The following KLRG2 variants were observed in gnomAD, a reference collection of about 807,000 sequenced individuals.
KLRG2 encodes the protein killer cell lectin like receptor G2.
A neutral mutation model predicts 35.4 loss-of-function variants in KLRG2; 39 were observed. The ratio of observed to expected loss-of-function variants is 1.10; its 90% CI spans 0.85 to 1.44. The LOEUF is 1.44. Among genes scored for constraint, KLRG2 ranks in the 40% most tolerant of loss-of-function variants. KLRG2 has a pLI of 0.00. For missense variants in KLRG2, 632 were observed against 570.9 expected (o/e 1.11, Z -1.09); for synonymous variants, 283 against 265.8 (o/e 1.06, Z -0.63).
intron 3 of KLRG2, among the ~76,000 whole-genome samples, chr7:139,459,436 A>T (rs549839979): frequency 2.0e-5 from 3 of 152,236 alleles, no homozygotes; most frequent in East Asian, 3.9e-4. Context: ...AACTCTAGGC[A>T]CTCTAGAGAC....
chr7:139,462,763 T>C (rs930919698), intron 3 of KLRG2, among the ~76,000 whole-genome samples: 3 of 152,136 alleles, frequency 2.0e-5, no homozygotes, highest in African/African-American at 7.2e-5. Flanking sequence ...GGCATTCTTT[T>C]ACACATCAGT....
intron 3 of KLRG2, among the ~76,000 whole-genome samples, chr7:139,455,023 A>T (rs970453219): frequency 6.9e-6 from 1 of 145,374 alleles, no homozygotes; most frequent in African/African-American, 2.5e-5. Flanking sequence ...TATATTTAAG[A>T]TTTTTTTTTT....
intron 3 of KLRG2, among the ~76,000 whole-genome samples, chr7:139,460,189 G>T (rs1413108738): frequency 1.3e-5 from 2 of 151,282 alleles, no homozygotes; most frequent in Non-Finnish European, 2.9e-5. Context: ...CCCTCCAGCA[G>T]ATTTTTACAT....
chr7:139,446,813 C>T, the KLRG2 span, among the ~76,000 whole-genome samples: 1 of 152,012 alleles, frequency 6.6e-6, no homozygotes, highest in Non-Finnish European at 1.5e-5. Flanking sequence ...CTCCTTCACC[C>T]CTGACCTGCC....
At position 139,471,623 on chromosome 7, in the gene KLRG2, C is replaced by T. The variant is rs569833738; in HGVS notation, c.1005+8004G>A. 3.4e-4 allele frequency among the ~76,000 whole-genome samples: 52 copies of T among 152,000 alleles called. No individual in the cohort carries two copies. The South Asian group carries it at 7.9e-3, about 23-fold the overall frequency. The stretch of plus-strand genomic sequence containing the variant: ...TTGCAGTGAGCCGAGATCGTGCCAC[C>T]GCACTCCAGCCTGGACAGCTGAGCG... On this transcript the variant is annotated intron_variant, in intron 3 of 4. Transcript: ENST00000340940.
chr7:139,443,489 A>G, the KLRG2 span, among the ~76,000 whole-genome samples: 1 of 152,226 alleles, frequency 6.6e-6, no homozygotes, highest in Non-Finnish European at 1.5e-5. Flanking sequence ...CTAGGAAAAA[A>G]TGAAACAGTA....
chr7:139,439,016 C>T, the KLRG2 span, among the ~76,000 whole-genome samples: 1 of 148,954 alleles, frequency 6.7e-6, no homozygotes, highest in African/African-American at 2.5e-5. Flanking sequence ...AAAAGGTGAA[C>T]TATATACTTA....
chr7:139,482,878 GCACTCAC>G lies in KLRG2; in HGVS notation c.757+1_757+7del. ...CGGCGTCGGCTGCCGGCGCAGGTGA[GCACTCAC>G]CCGTAAGCGTTACGGCCCGGGGCAG... On this transcript the variant is annotated splice_donor_variant and splice_donor_5th_base_variant and intron_variant, in intron 1 of 4. Coordinates refer to ENST00000340940, the MANE Select transcript of KLRG2 (RefSeq NM_198508.4). LOFTEE classifies it high-confidence loss of function. 1 of 1,446,020 alleles carries G rather than the reference GCACTCAC, an allele frequency of 6.9e-7. No individual in the cohort carries two copies. Among genetic ancestry groups the G allele is most frequent in the Non-Finnish European group, 9.0e-7 (1 of 1,109,958 alleles). 89.6% of individuals were successfully genotyped at this position (1,446,020 alleles called of 1,614,324 possible). A position where few individuals can be genotyped will look rare whatever the true frequency, so the allele number is the denominator to read the frequency against.
chr7:139,480,319 C>T (rs1796934003), intron 1 of KLRG2, 72 bp from the exon 2 acceptor site: 1 of 809,968 alleles, frequency 1.2e-6, no homozygotes, highest in Non-Finnish European at 2.2e-6. Context: ...GAACCACAGA[C>T]ACAGCACACC....
chr7:139,453,928 C>T (rs1051594324), intron 4 of KLRG2, among the ~76,000 whole-genome samples, 183 bp downstream of exon 4: 25 of 152,160 alleles, frequency 1.6e-4, no homozygotes, highest in South Asian at 8.3e-4. Flanking sequence ...CTTGGGTGAA[C>T]GTGCTGGGAA....
intron 3 of KLRG2, among the ~76,000 whole-genome samples, chr7:139,466,907 C>T (rs1317606458): frequency 1.3e-5 from 2 of 150,644 alleles, no homozygotes; most frequent in East Asian, 1.9e-4. Context: ...TTAGGCTGAA[C>T]CCCCTTAGGC....
the KLRG2 span, among the ~76,000 whole-genome samples, chr7:139,436,322 C>T: frequency 4.0e-5 from 6 of 151,620 alleles, no homozygotes; most frequent in Admixed American, 3.9e-4. Flanking sequence ...TCTGCCCTTC[C>T]CCCACTGTCT....
At chr7:139,480,439 CTTTTTTT>C (rs892455272) in intron 1 of KLRG2, among the ~76,000 whole-genome samples, 192 bp from the exon 2 acceptor site, 8 of 85,226 alleles carry the variant, frequency 9.4e-5, no homozygotes, top group Non-Finnish European at 1.5e-4. Flanking sequence ...GCCAGATATT[CTTTTTTT>C]TTTTTTTTTT....
downstream of KLRG2, among the ~76,000 whole-genome samples, chr7:139,449,879 T>G (rs527311531): frequency 6.7e-6 from 1 of 149,890 alleles, no homozygotes; most frequent in Non-Finnish European, 1.5e-5. Flanking sequence ...TTTTTTGTAT[T>G]TTTAGTAGAG....
At chr7:139,471,982 T>A (rs1796765209) in intron 3 of KLRG2, among the ~76,000 whole-genome samples, 1 of 152,220 alleles carries the variant, frequency 6.6e-6, no homozygotes, top group Non-Finnish European at 1.5e-5. Flanking sequence ...ACAGACTGTT[T>A]CGGAGCTGTC....
Position 139,453,670 on chromosome 7 carries a change from A to C in KLRG2, c.1147T>G (p.Cys383Gly). 1 of 1,614,060 alleles carries C rather than the reference A, an allele frequency of 6.2e-7. No individual in the cohort carries two copies. Among genetic ancestry groups the C allele is most frequent in the Non-Finnish European group, 8.5e-7 (1 of 1,179,996 alleles). The change falls in exon 5 of 5, where the codon TGT (cysteine) becomes GGT (glycine). Residue 383 changes from cysteine to glycine, a missense_variant. Coordinates refer to ENST00000340940, the MANE Select transcript of KLRG2 (RefSeq NM_198508.4). ...EDGEDNLDIN[C>G]GALEEGTLVA... ...AGCGTGCCTTCCTCCAGGGCCCCACAGTTGATATCCAGATTGTCCTCGCCG... is the reference window on the plus strand; with the variant it reads ...AGCGTGCCTTCCTCCAGGGCCCCACCGTTGATATCCAGATTGTCCTCGCCG...
chr7:139,465,986 T>G (rs189469683), intron 3 of KLRG2, among the ~76,000 whole-genome samples: 1 of 152,300 alleles, frequency 6.6e-6, no homozygotes, highest in East Asian at 1.9e-4. Context: ...GCCCATTCTA[T>G]TCTGTCATCA....
chr7:139,466,074 A>G (rs1035569706), intron 3 of KLRG2, among the ~76,000 whole-genome samples: 11 of 152,000 alleles, frequency 7.2e-5, no homozygotes, highest in Non-Finnish European at 1.6e-4. Context: ...CATCGTAAAA[A>G]TCTATCCTCA....
At position 139,483,483 on chromosome 7, in the gene KLRG2, C is replaced by T. The variant is rs767614032; in HGVS notation, c.160G>A (p.Val54Met). The change falls in exon 1 of 5, where the codon GTG (valine) becomes ATG (methionine). Residue 54 changes from valine to methionine, a missense_variant. Coordinates refer to ENST00000340940, the MANE Select transcript of KLRG2 (RefSeq NM_198508.4). ...AGGCCTGCGCCCGCCGCCTTCTCCA[C>T]GGCCCCGGCCGGACTTGGGCTGCTT... The part of the protein sequence containing the change: ...PESSPSPAGA[V>M]EKAAGAGLEP... 3 of 1,593,082 alleles carry T rather than the reference C, an allele frequency of 1.9e-6. No homozygotes were observed. Among genetic ancestry groups the T allele is most frequent in the South Asian group, 2.2e-5 (2 of 89,806 alleles).
Sources: allele counts gnomAD v4.1 joint callset (sites outside exome capture counted in the v4.1 genomes callset), GRCh38; gene constraint gnomAD v4.1.1; transcripts MANE v1.5; gene names NCBI Gene and HGNC (gene_info 2026-07-23, HGNC 2026-07-21).